The following NFRKB variants were observed in gnomAD, a reference collection of about 807,000 sequenced individuals.
NFRKB encodes the protein nuclear factor related to kappaB binding protein.
NFRKB carries 62 observed loss-of-function variants against 135.7 expected under a neutral mutation model. The observed-to-expected ratio is 0.46, with a 90% CI of 0.37 to 0.56. The LOEUF (loss-of-function observed/expected upper bound fraction) is 0.56, where lower values mean the gene tolerates loss of function less well. Among genes scored for constraint, NFRKB ranks in the 20% least tolerant of loss-of-function variants. The probability of loss-of-function intolerance (pLI) is 0.00; values close to 1 mark genes in which losing one functional copy is unlikely to be tolerated. For missense variants in NFRKB, 1,545 were observed against 1,662.0 expected, an observed-to-expected ratio of 0.93 and a Z score of 1.22; for synonymous variants, 678 against 635.6, an observed-to-expected ratio of 1.07 and a Z score of -1.00.
chr11:129,885,680 G>C, intron 5 of NFRKB, 71 bp from the exon 6 acceptor site: 3 of 1,429,616 alleles, frequency 2.1e-6, no homozygotes, highest in Non-Finnish European at 2.8e-6. Context: ...CACTCTACAA[G>C]TCTACATTTT....
chr11:129,875,810 C>G (rs1206616062), intron 17 of NFRKB, among the ~76,000 whole-genome samples: 2 of 151,994 alleles, frequency 1.3e-5, no homozygotes, highest in Non-Finnish European at 2.9e-5. Context: ...CCGTGCACCA[C>G]CATGTCCAGC....
Position 129,876,791 on chromosome 11 carries a change from C to T in NFRKB, c.1677G>A (p.Ser559=), listed in dbSNP as rs1343112056. The T allele has an allele frequency of 5.0e-6, 8 of 1,613,980 alleles. No individual in the cohort carries two copies. Among genetic ancestry groups the T allele is most frequent in the South Asian group, 2.2e-5 (2 of 91,078 alleles). Residue 559 remains serine (S), a synonymous_variant, in exon 17 of 27, where the codon TCG becomes TCA. Transcript: ENST00000682444. ...PVKGVFDKET[S]LNKAREHSLL... is the part of the protein sequence containing the mutation. ...GGGAGTGCTCCCGAGCCTTGTTGAG[C>T]GAGGTCTCCTTGTCAAACACGCCCT... is the stretch of plus-strand genomic sequence containing the variant.
intron 2 of NFRKB, chr11:129,893,141 A>T: frequency 2.5e-6 from 3 of 1,192,912 alleles, no homozygotes; most frequent in Non-Finnish European, 3.3e-6. Flanking sequence ...TTTACAGATG[A>T]GTAAAATGAG....
intron 7 of NFRKB, among the ~76,000 whole-genome samples, 195 bp downstream of exon 7, chr11:129,884,550 A>C (rs1295641202): frequency 6.6e-6 from 1 of 152,230 alleles, no homozygotes; most frequent in Admixed American, 6.5e-5. Context: ...AAAACAAAAG[A>C]AAAAAGGCAG....
In NFRKB at chr11:129,874,691, T is replaced by C; in HGVS notation, c.1978+102A>G. The C allele has an allele frequency of 1.9e-6, 3 of 1,604,830 alleles. No homozygotes were observed. The highest frequency in any genetic ancestry group is 2.6e-6 in the Non-Finnish European group (3 of 1,173,110). On this transcript the variant is annotated intron_variant, in intron 19 of 26. Transcript: ENST00000682444. The surrounding 1 kb of genome is among the most constrained non-coding windows in gnomAD (Gnocchi z 4.5). ...AGTGGACTGAATCCTGCCTCTACCATCTTGTCCTACCTATATGCCAATGAA... is the reference window on the plus strand; with the variant it reads ...AGTGGACTGAATCCTGCCTCTACCACCTTGTCCTACCTATATGCCAATGAA...
intron 15 of NFRKB, among the ~76,000 whole-genome samples, chr11:129,877,944 C>T (rs1645668017): frequency 6.6e-6 from 1 of 152,208 alleles, no homozygotes; most frequent in South Asian, 2.1e-4. Flanking sequence ...AGCTGGGGTC[C>T]TGCTGCTAAC....
Position 129,870,023 on chromosome 11 carries a change from G to T in NFRKB, c.3002C>A (p.Thr1001Asn), listed in dbSNP as rs1948422614. ...GGTGGCAGAGATGCCTTTGCCTGTA[G>T]TGTTGCCTCCTGTCCCGAAGAGGTC... ...TQDLFGTGGN[T>N]TGKGISATLH... Residue 1001 changes from threonine (T) to asparagine (N), a missense_variant, in exon 24 of 27, where the codon ACT becomes AAT. Thr to Asn is a moderately conservative substitution (Grantham distance 65). Around this residue, in one of 3 missense-constraint regions of NFRKB, gnomAD observed 753 missense variants for 804.3 expected, o/e 0.94. Coordinates refer to ENST00000682444, the MANE Select transcript of NFRKB (RefSeq NM_001143835.2). The T allele has an allele frequency of 6.2e-7, 1 of 1,614,252 alleles. No homozygotes were observed. Among genetic ancestry groups the T allele is most frequent in the Non-Finnish European group, 8.5e-7 (1 of 1,180,044 alleles).
At chr11:129,885,300 G>A (rs1949220702) in intron 6 of NFRKB, 135 bp downstream of exon 6, 12 of 978,446 alleles carry the variant, frequency 1.2e-5, no homozygotes, top group South Asian at 3.5e-5. Context: ...TCTGAGTCCC[G>A]CTATGCACCC....
At chr11:129,866,575 A>C (rs140235875) in intron 24 of NFRKB, among the ~76,000 whole-genome samples, 1 of 152,040 alleles carries the variant, frequency 6.6e-6, no homozygotes, top group Non-Finnish European at 1.5e-5. Context: ...GGGGACACTA[A>C]CAATAAACTC....
At chr11:129,886,034 A>G (rs1949261225) in intron 5 of NFRKB, among the ~76,000 whole-genome samples, 1 of 152,212 alleles carries the variant, frequency 6.6e-6, no homozygotes, top group Non-Finnish European at 1.5e-5. Flanking sequence ...TTCCCTTAAT[A>G]ACCCATGATA....
At position 129,869,441 on chromosome 11, in the gene NFRKB, CTTGA is replaced by C. The variant is rs1014010598; in HGVS notation, c.3531+49_3531+52del. 9.2e-6 allele frequency: 14 copies of C among 1,517,768 alleles called. No individual in the cohort carries two copies. The African/African-American group carries it at 1.3e-4, about 14-fold the overall frequency. The allele number at this position is 1,517,768 out of a possible 1,614,324, so 94.0% of individuals were successfully genotyped here. A position where few individuals can be genotyped will look rare whatever the true frequency, so the allele number is the denominator to read the frequency against. On this transcript the variant is annotated intron_variant, in intron 24 of 26. Coordinates refer to ENST00000682444, the MANE Select transcript of NFRKB (RefSeq NM_001143835.2). ...TTTCTCGGGTAATGGGCAGTTGAGC[CTTGA>C]TTAAGTTTTCTAAAAAAGAAGGCCT...
chr11:129,874,719 GAAT>G lies in NFRKB; in HGVS notation c.1978+71_1978+73del. 1 of 1,611,710 alleles carries G rather than the reference GAAT, an allele frequency of 6.2e-7. No individual in the cohort carries two copies. Among genetic ancestry groups the G allele is most frequent in the South Asian group, 1.1e-5 (1 of 90,940 alleles). On this transcript the variant is annotated intron_variant, in intron 19 of 26. Transcript: ENST00000682444. The surrounding 1 kb of genome is among the most constrained non-coding windows in gnomAD (Gnocchi z 4.5). ...TGTCCTACCTATATGCCAATGAAAA[GAAT>G]AATGGAATTGGGGTAGAAAGTCAGA...
At chr11:129,873,645 A>G (rs2135644549) in intron 22 of NFRKB, 100 bp downstream of exon 22, 3 of 1,476,806 alleles carry the variant, frequency 2.0e-6, no homozygotes, top group Non-Finnish European at 2.8e-6. Context: ...GCAATAATCT[A>G]TGGCTCCCCA....
rs1948396047 is a variant in NFRKB at position 129,869,657 on chromosome 11, G to T, written c.3368C>A (p.Thr1123Asn). The T allele has an allele frequency of 3.1e-6, 5 of 1,614,192 alleles. No individual in the cohort carries two copies. Among genetic ancestry groups the T allele is most frequent in the Non-Finnish European group, 4.2e-6 (5 of 1,180,034 alleles). The change falls in exon 24 of 27, where the codon ACT becomes AAT. Residue 1123 changes from threonine to asparagine, a missense_variant. Thr to Asn is a moderately conservative substitution (Grantham distance 65, BLOSUM62 0). Transcript: ENST00000682444. ...QGASVASGSG[T>N]VHTSAVSLPS... ...TAAGGACACCGCTGAAGTATGGACAGTTCCAGACCCACTGGCCACCGAGGC... is the reference window on the plus strand; with the variant it reads ...TAAGGACACCGCTGAAGTATGGACATTTCCAGACCCACTGGCCACCGAGGC...
chr11:129,866,581 A>C (rs1948204148), intron 24 of NFRKB, among the ~76,000 whole-genome samples: 2 of 151,934 alleles, frequency 1.3e-5, no homozygotes, highest in Admixed American at 6.6e-5. Flanking sequence ...ACTAACAATA[A>C]ACTCAATCAA....
intron 23 of NFRKB, among the ~76,000 whole-genome samples, chr11:129,870,715 C>A (rs1460892290): frequency 6.6e-6 from 1 of 152,130 alleles, no homozygotes; most frequent in African/African-American, 2.4e-5. Flanking sequence ...TACAGGTGTA[C>A]AACTGAGCCC....
chr11:129,893,945 T>C (rs1949669376), intron 2 of NFRKB: 2 of 152,234 alleles, frequency 1.3e-5, no homozygotes, highest in South Asian at 4.1e-4. Flanking sequence ...TCCATATAAA[T>C]TCCTGAGGTT....
intron 24 of NFRKB, among the ~76,000 whole-genome samples, chr11:129,868,849 T>C (rs1156893094): frequency 6.6e-6 from 1 of 152,124 alleles, no homozygotes; most frequent in Non-Finnish European, 1.5e-5. Flanking sequence ...GGAGAAACCC[T>C]GTCTCTACTA....
Position 129,864,846 on chromosome 11 carries a change from C to CAGAAGGTTT in NFRKB, c.3778_3779insAAACCTTCT (p.Arg1260delinsGlnThrPheCys), listed in dbSNP as rs1565382781. ...ATGGGATGCAGGGACAGTCTGGATG[C>CAGAAGGTTT]GCACCTGTTTGCAAAGACAGAAGGT... On this transcript the variant is annotated protein_altering_variant, in exon 27 of 27. Transcript: ENST00000682444. 2.0e-5 allele frequency: 32 copies of CAGAAGGTTT among 1,614,198 alleles called. No individual in the cohort carries two copies. Among genetic ancestry groups the CAGAAGGTTT allele is most frequent in the Non-Finnish European group, 2.7e-5 (32 of 1,180,042 alleles).
Sources: allele counts gnomAD v4.1 joint callset (sites outside exome capture counted in the v4.1 genomes callset), GRCh38; gene constraint gnomAD v4.1.1; regional missense constraint gnomAD v4.1.1; non-coding constraint Gnocchi (gnomAD v3.1); transcripts MANE v1.5; gene names NCBI Gene and HGNC (gene_info 2026-07-23, HGNC 2026-07-21).